Variants in ACAD10 observed in about 807,000 individuals in gnomAD.
The protein encoded by ACAD10 is acyl-CoA dehydrogenase family member 10.
In ACAD10, 112 loss-of-function variants were observed where a neutral mutation model predicts 116.8. The ratio of observed to expected loss-of-function variants is 0.96; its 90% CI spans 0.82 to 1.12. ACAD10 has a LOEUF of 1.12. Among genes scored for constraint, ACAD10 ranks in the 50% most tolerant of loss-of-function variants. The probability of loss-of-function intolerance (pLI) is 0.00; values close to 1 mark genes in which losing one functional copy is unlikely to be tolerated. For missense variants in ACAD10, 1,259 were observed against 1,350.2 expected (o/e 0.93, Z 1.06); for synonymous variants, 486 against 510.6 (o/e 0.95, Z 0.65).
chr12:111,696,304 T>C (rs1438362952), intron 2 of ACAD10, among the ~76,000 whole-genome samples: 1 of 152,168 alleles, frequency 6.6e-6, no homozygotes, highest in Non-Finnish European at 1.5e-5. Context: ...CCTCCTGCCT[T>C]GGCCTCTTGA....
intron 2 of ACAD10, among the ~76,000 whole-genome samples, chr12:111,700,061 G>A (rs912229254): frequency 2.6e-5 from 4 of 152,048 alleles, no homozygotes; most frequent in Non-Finnish European, 2.9e-5. Flanking sequence ...CTTTATTTAC[G>A]AAAATAGGTA....
chr12:111,692,204 G>T (rs910229708), intron 1 of ACAD10, among the ~76,000 whole-genome samples: 2 of 152,218 alleles, frequency 1.3e-5, no homozygotes, highest in African/African-American at 4.8e-5. Context: ...GCAACCTCAG[G>T]TGATCCACCC....
intron 7 of ACAD10, among the ~76,000 whole-genome samples, chr12:111,718,684 T>C (rs1219877555): frequency 6.6e-6 from 1 of 151,782 alleles, no homozygotes; most frequent in Non-Finnish European, 1.5e-5. Flanking sequence ...TTCACCATGT[T>C]GGTCAGGCTG....
At position 111,734,023 on chromosome 12, in the gene ACAD10, A is replaced by G. The variant is rs1156640170; in HGVS notation, c.1495A>G (p.Ser499Gly). The change falls in exon 11 of 21, where the codon AGC becomes GGC. Residue 499 changes from serine (S) to glycine (G), a missense_variant. Transcript: ENST00000313698. ...CGACCCCCTTGCTGATGTGGCCTAC[A>G]GCTGCCTGGCTCATTACCTGCCATC... ...LGDPLADVAYSCLAHYLPSSF... is the reference protein window; with the variant it reads ...LGDPLADVAYGCLAHYLPSSF... The G allele has an allele frequency of 1.9e-6, 3 of 1,614,068 alleles. No homozygotes were observed. The highest frequency in any genetic ancestry group is 2.5e-6 in the Non-Finnish European group (3 of 1,180,032).
At chr12:111,717,481 T>C (rs1326866965) in intron 7 of ACAD10, among the ~76,000 whole-genome samples, 2 of 152,024 alleles carry the variant, frequency 1.3e-5, no homozygotes, top group African/African-American at 4.8e-5. Flanking sequence ...TTATTGCAGC[T>C]AATAAAAGTA....
chr12:111,712,383 C>A, intron 5 of ACAD10, 115 bp from the exon 6 acceptor site: 1 of 985,412 alleles, frequency 1.0e-6, no homozygotes, highest in Non-Finnish European at 1.5e-6. Flanking sequence ...ACCTGTACTA[C>A]CATGAATTGT....
chr12:111,753,767 G>T lies in ACAD10; in HGVS notation c.2818-5G>T, dbSNP rs747952287. The stretch of plus-strand genomic sequence containing the variant: ...TCCTCAGCCGCACATCTCCTGTGTC[G>T]ACAGGTGAAGTCCCGCTTGGCTTTT... On this transcript the variant is annotated splice_polypyrimidine_tract_variant and splice_region_variant and intron_variant, in intron 18 of 20. Transcript: ENST00000313698. The T allele has an allele frequency of 2.4e-5, 38 of 1,613,860 alleles. No homozygotes were observed. The highest frequency in any genetic ancestry group is 3.2e-5 in the Non-Finnish European group (38 of 1,180,008).
rs140170405 is a variant in ACAD10, at chr12:111,720,934, C to T, written c.993-737C>T. ...AAGTAGCTGGGATTACAGGCACGCG[C>T]CACCATGCCTGGCTAATTTTTGTAT... On this transcript the variant is annotated intron_variant, in intron 7 of 20. Coordinates refer to ENST00000313698, the MANE Select transcript of ACAD10 (RefSeq NM_025247.6). Among the ~76,000 whole-genome samples the T allele has an allele frequency of 6.6e-5, 10 of 152,122 alleles. No individual in the cohort carries two copies. In the East Asian group the frequency reaches 1.9e-3, roughly 29 times the overall value.
chr12:111,693,465 G>A (rs1295931059), intron 2 of ACAD10, among the ~76,000 whole-genome samples: 1 of 152,160 alleles, frequency 6.6e-6, no homozygotes, highest in Non-Finnish European at 1.5e-5. Context: ...ATGAATCCAG[G>A]TGGTTGAGGC....
chr12:111,754,025 C>T (rs962282657), intron 19 of ACAD10, 110 bp downstream of exon 19: 21 of 1,417,458 alleles, frequency 1.5e-5, no homozygotes, highest in South Asian at 4.5e-5. Context: ...TTCACCTCTA[C>T]TTGGAGCTGT....
At chr12:111,724,380 A>G (rs1463983871) in intron 8 of ACAD10, among the ~76,000 whole-genome samples, 4 of 148,250 alleles carry the variant, frequency 2.7e-5, no homozygotes, top group African/African-American at 7.5e-5. Flanking sequence ...AGGCAGAGAC[A>G]CTCCTCACTT....
intron 12 of ACAD10, among the ~76,000 whole-genome samples, chr12:111,742,549 C>T (rs1408608247): frequency 6.6e-6 from 1 of 152,088 alleles, no homozygotes; most frequent in African/African-American, 2.4e-5. Flanking sequence ...CTATCTTTAA[C>T]ACCAAAGCTG....
Position 111,692,868 on chromosome 12 carries a change from C to T in ACAD10, c.159C>T (p.Leu53=), listed in dbSNP as rs749648922. 2.5e-6 allele frequency: 4 copies of T among 1,614,064 alleles called. No individual in the cohort carries two copies. The South Asian group carries it at 4.4e-5, about 18-fold the overall frequency. Residue 53 remains leucine, a synonymous_variant, in exon 2 of 21, where the codon CTC becomes CTT. Coordinates refer to ENST00000313698, the MANE Select transcript of ACAD10 (RefSeq NM_025247.6). Reference sequence around the variant, plus strand: ...TGATTTTCGACATGGGCGGAGTTCTCATTCCTTCTCCAGGGAGAGTCGCTG... The same window carrying T: ...TGATTTTCGACATGGGCGGAGTTCTTATTCCTTCTCCAGGGAGAGTCGCTG... ...RAVIFDMGGV[L]IPSPGRVAAE...
intron 3 of ACAD10, among the ~76,000 whole-genome samples, chr12:111,704,480 G>A (rs1888439965): frequency 1.3e-5 from 2 of 151,788 alleles, no homozygotes; most frequent in African/African-American, 4.8e-5. Flanking sequence ...TAAAATTGAT[G>A]GCAGTGATGG....
At chr12:111,752,711 C>G (rs1397841737) in intron 18 of ACAD10, 1 of 152,048 alleles carries the variant, frequency 6.6e-6, no homozygotes, top group East Asian at 1.9e-4. Flanking sequence ...AGGAGAATAT[C>G]CACCAAATAT....
intron 12 of ACAD10, among the ~76,000 whole-genome samples, chr12:111,740,280 GGT>G (rs1360840897): frequency 6.6e-6 from 1 of 152,094 alleles, no homozygotes; most frequent in Non-Finnish European, 1.5e-5. Context: ...TGGCCAACAT[GGT>G]GAAACCCCGT....
At chr12:111,724,329 C>G (rs1254652334) in intron 8 of ACAD10, among the ~76,000 whole-genome samples, 3 of 152,030 alleles carry the variant, frequency 2.0e-5, no homozygotes, top group Admixed American at 6.6e-5. Flanking sequence ...GACTGGGCAG[C>G]CAGGCAGAGG....
At chr12:111,739,978 C>A (rs1051911979) in intron 12 of ACAD10, among the ~76,000 whole-genome samples, 1 of 151,548 alleles carries the variant, frequency 6.6e-6, no homozygotes, top group Admixed American at 6.6e-5. Context: ...TTTTAAAAAA[C>A]ATTTGTTTTT....
intron 4 of ACAD10, among the ~76,000 whole-genome samples, chr12:111,709,172 CA>C (rs1189050418): frequency 6.6e-6 from 1 of 152,068 alleles, no homozygotes; most frequent in African/African-American, 2.4e-5. Context: ...ACTTAAGTTT[CA>C]TTTAAGTTTC....
Sources: allele counts gnomAD v4.1 joint callset (sites outside exome capture counted in the v4.1 genomes callset), GRCh38; gene constraint gnomAD v4.1.1; transcripts MANE v1.5; gene names NCBI Gene and HGNC (gene_info 2026-07-23, HGNC 2026-07-21).